SGCZ: variants seen among roughly 807,000 people sequenced by gnomAD.
SGCZ encodes sarcoglycan zeta, also known as zeta-sarcoglycan.
Under a neutral mutation model 41.3 loss-of-function variants are expected in SGCZ, and 40 were observed. That is an observed-to-expected ratio of 0.97 (90% confidence interval 0.75 to 1.26). The LOEUF (loss-of-function observed/expected upper bound fraction) is 1.26. Ranked by LOEUF, SGCZ falls within the 50% of genes most tolerant of loss-of-function variation. The pLI is 0.00. For synonymous variants in SGCZ, 206 were observed against 137.5 expected, an observed-to-expected ratio of 1.50 and a Z score of -3.49; for missense variants, 552 against 369.8, an observed-to-expected ratio of 1.49 and a Z score of -4.04.
chr8:14,227,706 G>T (rs1383754219), intron 4 of SGCZ, among the ~76,000 whole-genome samples: 1 of 151,968 alleles, frequency 6.6e-6, no homozygotes, highest in Non-Finnish European at 1.5e-5. Flanking sequence ...ATGTTGTCAG[G>T]AGTCTAATAA....
At chr8:14,437,031 G>A (rs1355326806) in intron 2 of SGCZ, among the ~76,000 whole-genome samples, 1 of 152,140 alleles carries the variant, frequency 6.6e-6, no homozygotes, top group East Asian at 1.9e-4. Context: ...GAGCGGGTTA[G>A]ACTCCCAGAA....
chr8:14,245,970 A>C (rs1044841461), intron 3 of SGCZ, among the ~76,000 whole-genome samples: 24 of 152,288 alleles, frequency 1.6e-4, no homozygotes, highest in African/African-American at 5.3e-4. Flanking sequence ...AGGATGTGGA[A>C]AAATAGGTAC....
In SGCZ at chr8:14,243,354, T is replaced by C. The variant is rs183716413; in HGVS notation, c.337-5675A>G. Among the ~76,000 whole-genome samples, 16 of 152,340 alleles carry C rather than the reference T, an allele frequency of 1.1e-4. No homozygotes were observed. In the East Asian group the frequency reaches 1.5e-3, roughly 15 times the overall value. On this transcript the variant is annotated intron_variant, in intron 3 of 7. Transcript: ENST00000382080. ...CAGTCAGCTGCGTCAGAAATACTTC[T>C]TGAATGCATCTTTTCCTGTTTTTCC...
At chr8:14,272,747 C>T (rs1460872046) in intron 3 of SGCZ, among the ~76,000 whole-genome samples, 1 of 152,078 alleles carries the variant, frequency 6.6e-6, no homozygotes, top group Non-Finnish European at 1.5e-5. Flanking sequence ...GTTCTGAATT[C>T]ATAATATTGG....
intron 2 of SGCZ, among the ~76,000 whole-genome samples, chr8:14,508,226 G>C (rs890924589): frequency 6.6e-6 from 1 of 152,060 alleles, no homozygotes; most frequent in Non-Finnish European, 1.5e-5. Flanking sequence ...GAAGTACCCT[G>C]AGACCAAGAA....
intron 1 of SGCZ, among the ~76,000 whole-genome samples, chr8:15,038,483 G>C (rs1006373464): frequency 1.3e-5 from 2 of 151,040 alleles, no homozygotes; most frequent in African/African-American, 4.9e-5. Context: ...TTTAATATAA[G>C]ACCTTGAACT....
At chr8:15,196,757 G>A (rs1273761886) in intron 1 of SGCZ, among the ~76,000 whole-genome samples, 1 of 152,152 alleles carries the variant, frequency 6.6e-6, no homozygotes, top group Non-Finnish European at 1.5e-5. Flanking sequence ...CTAGCATTAG[G>A]TATATCTAAA....
intron 1 of SGCZ, among the ~76,000 whole-genome samples, chr8:14,731,429 G>A (rs2254183): frequency 0.75 from 114,371 of 151,764 alleles, 43,117 homozygotes; most frequent in Admixed American, 0.79. Flanking sequence ...AGAAATACCT[G>A]ATGTAGATGA....
intron 1 of SGCZ, among the ~76,000 whole-genome samples, chr8:14,590,546 T>A (rs1805207224): frequency 6.6e-6 from 1 of 150,976 alleles, no homozygotes; most frequent in Admixed American, 6.6e-5. Flanking sequence ...TATTATTTCT[T>A]CTTTCTATAT....
intron 1 of SGCZ, among the ~76,000 whole-genome samples, chr8:14,979,132 T>G (rs1273252481): frequency 6.6e-6 from 1 of 152,118 alleles, no homozygotes; most frequent in African/African-American, 2.4e-5. Context: ...GCAAGGCATA[T>G]ATGAAAAACA....
chr8:14,929,800 A>C (rs1426889927), intron 1 of SGCZ, among the ~76,000 whole-genome samples: 1 of 152,042 alleles, frequency 6.6e-6, no homozygotes, highest in Non-Finnish European at 1.5e-5. Flanking sequence ...CATTAGAAGG[A>C]TATGAAATGT....
chr8:14,994,370 G>A (rs1395465371), intron 1 of SGCZ, among the ~76,000 whole-genome samples: 2 of 152,110 alleles, frequency 1.3e-5, no homozygotes, highest in Non-Finnish European at 2.9e-5. Flanking sequence ...GATTGCCTGA[G>A]CTCAGGAGTT....
chr8:14,567,228 C>A (rs573146793), intron 1 of SGCZ, among the ~76,000 whole-genome samples: 1 of 152,206 alleles, frequency 6.6e-6, no homozygotes, highest in Admixed American at 6.5e-5. Context: ...TGCAGGCGCA[C>A]GGCTTGGGAC....
At chr8:15,098,248 A>G (rs995793765) in intron 1 of SGCZ, among the ~76,000 whole-genome samples, 1 of 152,208 alleles carries the variant, frequency 6.6e-6, no homozygotes, top group Middle Eastern at 3.4e-3. Context: ...AGAAAGGAAA[A>G]AAGGAAAACT....
At chr8:14,583,194 C>G (rs953674969) in intron 1 of SGCZ, among the ~76,000 whole-genome samples, 1 of 150,228 alleles carries the variant, frequency 6.7e-6, no homozygotes, top group East Asian at 2.0e-4. Flanking sequence ...TTTTAATGAT[C>G]GCCATTCTAA....
intron 4 of SGCZ, among the ~76,000 whole-genome samples, chr8:14,212,893 T>C (rs1805864400): frequency 6.6e-6 from 1 of 151,796 alleles, no homozygotes; most frequent in Non-Finnish European, 1.5e-5. Flanking sequence ...ATGAAACTTA[T>C]CAAACTAAAA....
rs1480829390 is a variant in SGCZ, at chr8:14,476,759, A to C, written c.234+77973T>G. 2.0e-5 allele frequency among the ~76,000 whole-genome samples: 3 copies of C among 152,322 alleles called. No homozygotes were observed. In the East Asian group the frequency reaches 5.8e-4, roughly 29 times the overall value. ...TTTCAGATGACATGATGAAGTTGTG[A>C]CAAGTTGGCTGCCATAAGAACTAAA... On this transcript the variant is annotated intron_variant, in intron 2 of 7. Transcript: ENST00000382080.
chr8:14,580,412 T>C (rs1398199532), intron 1 of SGCZ, among the ~76,000 whole-genome samples: 2 of 152,178 alleles, frequency 1.3e-5, no homozygotes, highest in African/African-American at 4.8e-5. Context: ...ATACAAACCT[T>C]TTAAAACACA....
intron 4 of SGCZ, among the ~76,000 whole-genome samples, chr8:14,193,082 C>T (rs1805156753): frequency 5.9e-5 from 9 of 151,740 alleles, no homozygotes; most frequent in Admixed American, 5.9e-4. Context: ...ATCTTATAGG[C>T]TGTCAAAATC....
Sources: gnomAD v4.1 joint callset for allele counts (sites outside exome capture counted in the v4.1 genomes callset) on GRCh38, gnomAD v4.1.1 for gene constraint, MANE v1.5 for transcripts, NCBI Gene and HGNC (gene_info 2026-07-23, HGNC 2026-07-21) for gene names.